Variants in PFKFB3 observed in about 807,000 individuals in gnomAD.
PFKFB3 encodes 6-phosphofructo-2-kinase/fructose-2,6-biphosphatase 3.
In PFKFB3, 33 loss-of-function variants were observed where a neutral mutation model predicts 68.0. The observed-to-expected ratio is 0.49, with a 90% CI of 0.37 to 0.65. The LOEUF is 0.65. Ranked by LOEUF, PFKFB3 falls within the 30% of genes least tolerant of loss-of-function variation. The pLI is 0.00. For missense variants in PFKFB3, 586 were observed against 712.2 expected (o/e 0.82, Z 2.02); for synonymous variants, 315 against 288.2 (o/e 1.09, Z -0.94).
At position 6,232,943 on chromosome 10, in the gene PFKFB3, G is replaced by A; in HGVS notation, c.*1G>A. On this transcript the variant is annotated 3_prime_UTR_variant, in exon 15 of 15. Transcript: ENST00000379775. The stretch of plus-strand genomic sequence containing the variant: ...CGCTGACTCCTCCAGGAAACACTGA[G>A]GCAGACGTGTCGGTTCCATTCCATT... 1 of 1,610,970 alleles carries A rather than the reference G, an allele frequency of 6.2e-7. No individual in the cohort carries two copies. Among genetic ancestry groups the A allele is most frequent in the Non-Finnish European group, 8.5e-7 (1 of 1,177,378 alleles).
At chr10:6,325,494 AC>A in the PFKFB3 span, among the ~76,000 whole-genome samples, 2 of 152,190 alleles carry the variant, frequency 1.3e-5, no homozygotes, top group African/African-American at 2.4e-5. Flanking sequence ...ATTTTCACAC[AC>A]AATGAATATT....
At chr10:6,299,434 G>A in the PFKFB3 span, among the ~76,000 whole-genome samples, 4 of 152,274 alleles carry the variant, frequency 2.6e-5, no homozygotes, top group East Asian at 1.9e-4. Flanking sequence ...GGGTCCCTGC[G>A]TTGTCCTAAC....
intron 1 of PFKFB3, among the ~76,000 whole-genome samples, chr10:6,183,416 A>G (rs1842773747): frequency 6.6e-6 from 1 of 151,994 alleles, no homozygotes; most frequent in African/African-American, 2.4e-5. Context: ...AACAAGGAAT[A>G]GAATGCTTGC....
chr10:6,246,932 C>T (rs372220111), intron 14 of PFKFB3, among the ~76,000 whole-genome samples: 22 of 152,314 alleles, frequency 1.4e-4, no homozygotes, highest in African/African-American at 5.3e-4. Flanking sequence ...ACCTGAGATG[C>T]AACAGCTTGC....
chr10:6,217,262 G>C (rs1198233237), intron 6 of PFKFB3, 71 bp downstream of exon 6: 1 of 1,368,704 alleles, frequency 7.3e-7, no homozygotes, highest in East Asian at 2.3e-5. Context: ...CTGAGGAAGT[G>C]GGGGACCGGG....
the PFKFB3 span, among the ~76,000 whole-genome samples, chr10:6,324,496 G>A: frequency 9.2e-5 from 14 of 152,058 alleles, no homozygotes; most frequent in African/African-American, 1.9e-4. Context: ...GCGTGATCTC[G>A]GCTCACTGCA....
rs117922737 is a variant in PFKFB3 at position 6,164,635 on chromosome 10, G to C, written c.16+19622G>C. ...AGGACCCGCACTGGTGGCCGTCTCTGAGTTCCCTCAGTATTGATCATTATT... is the reference window on the plus strand; with the variant it reads ...AGGACCCGCACTGGTGGCCGTCTCTCAGTTCCCTCAGTATTGATCATTATT... On this transcript the variant is annotated intron_variant, in intron 1 of 14. Transcript: ENST00000379789. Among the ~76,000 whole-genome samples, 848 of 152,250 alleles carry C rather than the reference G, an allele frequency of 5.6e-3. 6 individuals carry two copies. Among genetic ancestry groups the C allele is most frequent in the Middle Eastern group, 0.01 (3 of 294 alleles).
At chr10:6,298,372 CTT>C in the PFKFB3 span, among the ~76,000 whole-genome samples, 1,328 of 139,666 alleles carry the variant, frequency 9.5e-3, 19 homozygotes, top group African/African-American at 0.027. Flanking sequence ...GTTCAGGGCA[CTT>C]TTTTTTTTTT....
intron 1 of PFKFB3, among the ~76,000 whole-genome samples, chr10:6,171,137 TC>T (rs1036594796): frequency 6.6e-6 from 1 of 152,162 alleles, no homozygotes; most frequent in African/African-American, 2.4e-5. Flanking sequence ...AACCTCCGTC[TC>T]CCGGGTGCAA....
downstream of PFKFB3, among the ~76,000 whole-genome samples, chr10:6,237,287 A>G (rs139327542): frequency 1.1e-3 from 163 of 152,370 alleles, no homozygotes; most frequent in African/African-American, 3.7e-3. Flanking sequence ...AGAGCAGGGC[A>G]GCTCCCTGTG....
chr10:6,188,398 C>T (rs1346808785), intron 1 of PFKFB3, among the ~76,000 whole-genome samples: 1 of 151,350 alleles, frequency 6.6e-6, no homozygotes, highest in Non-Finnish European at 1.5e-5. Context: ...AGTGTGTCCT[C>T]AATCTTTGCT....
At chr10:6,285,846 A>G in the PFKFB3 span, among the ~76,000 whole-genome samples, 2 of 152,116 alleles carry the variant, frequency 1.3e-5, no homozygotes, top group Non-Finnish European at 2.9e-5. Context: ...TTCACTTAGC[A>G]TAATGTTCTC....
intron 1 of PFKFB3, among the ~76,000 whole-genome samples, chr10:6,168,109 C>T (rs1232272468): frequency 6.6e-6 from 1 of 152,192 alleles, no homozygotes; most frequent in Non-Finnish European, 1.5e-5. Context: ...ACATTGTCTT[C>T]TTTCCCTAGC....
At chr10:6,145,100 GC>G in intron 1 of PFKFB3, 1 of 1,105,696 alleles carries the variant, frequency 9.0e-7, no homozygotes, top group Non-Finnish European at 1.2e-6. Flanking sequence ...TTGGGTCCTC[GC>G]CAGGCGCGGA....
chr10:6,312,247 G>A, the PFKFB3 span, among the ~76,000 whole-genome samples: 1 of 152,198 alleles, frequency 6.6e-6, no homozygotes. Context: ...AAAGAACACA[G>A]AGGTAGGATT....
At chr10:6,271,410 G>A in the PFKFB3 span, among the ~76,000 whole-genome samples, 23 of 152,204 alleles carry the variant, frequency 1.5e-4, no homozygotes, top group African/African-American at 4.8e-4. Flanking sequence ...GCCAAGAGGC[G>A]GGAAGTCAAA....
the PFKFB3 span, among the ~76,000 whole-genome samples, chr10:6,307,509 TTTTC>T: frequency 7.8e-6 from 1 of 128,156 alleles, no homozygotes. Flanking sequence ...CTCCTTCTCT[TTTTC>T]CTTCCTTCCT....
chr10:6,166,820 T>C (rs1449159087), intron 1 of PFKFB3, among the ~76,000 whole-genome samples: 4 of 68,768 alleles, frequency 5.8e-5, no homozygotes, highest in African/African-American at 1.8e-4. Context: ...CCCTTCTTCT[T>C]CTTTTTTTTT....
At chr10:6,212,532 C>T (rs1468705499) in intron 1 of PFKFB3, among the ~76,000 whole-genome samples, 2 of 152,200 alleles carry the variant, frequency 1.3e-5, no homozygotes, top group Non-Finnish European at 2.9e-5. Context: ...TCATCCGAGC[C>T]TGGCACCAGA....
Sources: allele counts gnomAD v4.1 joint callset (sites outside exome capture counted in the v4.1 genomes callset), GRCh38; gene constraint gnomAD v4.1.1; transcripts MANE v1.5; gene names NCBI Gene and HGNC (gene_info 2026-07-23, HGNC 2026-07-21).